Variants in PGCKA1 observed in about 807,000 individuals in gnomAD.
The protein encoded by PGCKA1 is PDCD10 and GCKIII kinases associated 1.
the PGCKA1 span, among the ~76,000 whole-genome samples, chr4:37,513,554 C>A: frequency 6.6e-6 from 1 of 152,194 alleles, no homozygotes; most frequent in Non-Finnish European, 1.5e-5. Flanking sequence ...CTTATAACCT[C>A]ATTTAACCTT....
At chr4:37,541,003 C>A in the PGCKA1 span, among the ~76,000 whole-genome samples, 12,519 of 151,316 alleles carry the variant, frequency 0.083, 564 homozygotes, top group East Asian at 0.11. Flanking sequence ...CCCGTCCACT[C>A]TGTGGTGTAA....
At chr4:37,562,202 T>C in the PGCKA1 span, among the ~76,000 whole-genome samples, 1 of 152,190 alleles carries the variant, frequency 6.6e-6, no homozygotes, top group Non-Finnish European at 1.5e-5. Flanking sequence ...ACCATGAGTA[T>C]TGATTTGGGG....
chr4:37,531,132 T>C, the PGCKA1 span, among the ~76,000 whole-genome samples: 1 of 152,240 alleles, frequency 6.6e-6, no homozygotes, highest in Non-Finnish European at 1.5e-5. Flanking sequence ...TGACATCTAC[T>C]TTATCTGAGG....
chr4:37,552,055 A>C, the PGCKA1 span, among the ~76,000 whole-genome samples: 18,776 of 152,286 alleles, frequency 0.12, 1,406 homozygotes, highest in Middle Eastern at 0.27. Flanking sequence ...TTAAGAAAAA[A>C]AACAAGGAAG....
At chr4:37,572,516 T>G in the PGCKA1 span, among the ~76,000 whole-genome samples, 41 of 152,108 alleles carry the variant, frequency 2.7e-4, no homozygotes, top group East Asian at 7.7e-3. Flanking sequence ...TGTCTTTATA[T>G]ACACACAATT....
At chr4:37,470,632 G>T in the PGCKA1 span, among the ~76,000 whole-genome samples, 1 of 152,174 alleles carries the variant, frequency 6.6e-6, no homozygotes. Flanking sequence ...AGAGAAGATG[G>T]CTCAGAAGCT....
At chr4:37,564,952 CCGTACACACACACA>C in the PGCKA1 span, among the ~76,000 whole-genome samples, 1 of 143,274 alleles carries the variant, frequency 7.0e-6, no homozygotes, top group East Asian at 1.9e-4. Flanking sequence ...AGATTCCACC[CCGTACACACACACA>C]CGTACACACA....
chr4:37,506,342 T>C, the PGCKA1 span, among the ~76,000 whole-genome samples: 2 of 152,176 alleles, frequency 1.3e-5, no homozygotes, highest in Non-Finnish European at 2.9e-5. Flanking sequence ...GCTTTTCCAG[T>C]TCTTTAAGAC....
At chr4:37,461,475 G>A in the PGCKA1 span, among the ~76,000 whole-genome samples, 3 of 151,930 alleles carry the variant, frequency 2.0e-5, no homozygotes, top group South Asian at 6.2e-4. Flanking sequence ...CTGTTTGTTT[G>A]TGTCCTCTCT....
At chr4:37,538,385 A>G in the PGCKA1 span, among the ~76,000 whole-genome samples, 5 of 152,266 alleles carry the variant, frequency 3.3e-5, no homozygotes, top group Non-Finnish European at 7.3e-5. Flanking sequence ...ATAACTAGAA[A>G]AGATAAAATC....
the PGCKA1 span, among the ~76,000 whole-genome samples, chr4:37,496,937 TA>T: frequency 6.6e-6 from 1 of 151,518 alleles, no homozygotes; most frequent in African/African-American, 2.4e-5. Flanking sequence ...TGATTTTTTT[TA>T]TTTTATTTTT....
chr4:37,520,527 A>C, the PGCKA1 span, among the ~76,000 whole-genome samples: 4 of 152,146 alleles, frequency 2.6e-5, no homozygotes, highest in African/African-American at 9.7e-5. Flanking sequence ...GTTTCCTCCA[A>C]ATTTTCCAAT....
At chr4:37,460,666 C>G in the PGCKA1 span, 14 of 419,982 alleles carry the variant, frequency 3.3e-5, no homozygotes, top group Non-Finnish European at 6.6e-5. Context: ...CCTTTACCCA[C>G]TTTTTGATGG....
the PGCKA1 span, among the ~76,000 whole-genome samples, chr4:37,478,763 CTG>C: frequency 6.6e-6 from 1 of 152,348 alleles, no homozygotes; most frequent in East Asian, 1.9e-4. Flanking sequence ...CCCATTAACT[CTG>C]TGGCCACTTT....
At chr4:37,525,101 A>G in the PGCKA1 span, among the ~76,000 whole-genome samples, 51 of 152,348 alleles carry the variant, frequency 3.3e-4, no homozygotes, top group South Asian at 0.01. Flanking sequence ...AAACGTGTGT[A>G]TGTTTCCTCT....
chr4:37,461,965 C>A, the PGCKA1 span, among the ~76,000 whole-genome samples: 6 of 152,026 alleles, frequency 3.9e-5, no homozygotes, highest in Admixed American at 3.3e-4. Flanking sequence ...AAGTTCTGAA[C>A]TGTGCTTCCC....
chr4:37,550,808 A>T, the PGCKA1 span, among the ~76,000 whole-genome samples: 1 of 152,172 alleles, frequency 6.6e-6, no homozygotes. Context: ...CTATAACAGG[A>T]GATCAATGGC....
chr4:37,510,620 C>T, the PGCKA1 span, among the ~76,000 whole-genome samples: 1 of 149,138 alleles, frequency 6.7e-6, no homozygotes, highest in African/African-American at 2.5e-5. Flanking sequence ...CACAGTGCCC[C>T]CTGTGACCAC....
chr4:37,466,452 G>C, the PGCKA1 span, among the ~76,000 whole-genome samples: 1 of 152,136 alleles, frequency 6.6e-6, no homozygotes, highest in South Asian at 2.1e-4. Context: ...CTTATAGTTG[G>C]TGGTCTTTAT....
Sources: allele counts gnomAD v4.1 joint callset (sites outside exome capture counted in the v4.1 genomes callset), GRCh38; gene constraint gnomAD v4.1.1; transcripts MANE v1.5; gene names NCBI Gene and HGNC (gene_info 2026-07-23, HGNC 2026-07-21).